Variants in BBS9 observed in about 807,000 individuals in gnomAD.
BBS9 encodes the protein Bardet-Biedl syndrome 9, also known as protein PTHB1.
BBS9 carries 89 observed loss-of-function variants against 117.7 expected under a neutral mutation model. The observed-to-expected ratio is 0.76, with a 90% CI of 0.64 to 0.90. The LOEUF (loss-of-function observed/expected upper bound fraction) is 0.90. BBS9 is among the 40% of genes least tolerant of loss of function. The pLI, the probability that BBS9 is intolerant of heterozygous loss-of-function variation, is 0.00. For missense variants in BBS9, 982 were observed against 1,042.2 expected, an observed-to-expected ratio of 0.94 and a Z score of 0.80; for synonymous variants, 379 against 370.9, an observed-to-expected ratio of 1.02 and a Z score of -0.25.
intron 9 of BBS9, among the ~76,000 whole-genome samples, chr7:33,279,434 G>C (rs1326037282): frequency 6.6e-6 from 1 of 152,104 alleles, no homozygotes; most frequent in Non-Finnish European, 1.5e-5. Flanking sequence ...TTTTTCTCTT[G>C]CTTTTTATTA....
rs755891061 is a variant in BBS9 at position 33,441,890 on chromosome 7, C to CT, written c.2115+53762dup. ...TGTTTTCAACCATCCCTGGCATATA[C>CT]TTTTTTTTTTTTTTTTCCCGAGACA... On this transcript the variant is annotated intron_variant, in intron 19 of 22. Transcript: ENST00000242067. Among the ~76,000 whole-genome samples, 867 of 141,932 alleles carry CT rather than the reference C, an allele frequency of 6.1e-3. 17 individuals are homozygous for CT. Among genetic ancestry groups the CT allele is most frequent in the South Asian group, 0.04 (176 of 4,424 alleles). 93.1% of individuals were successfully genotyped at this position (141,932 alleles called of 152,430 possible). A position where few individuals can be genotyped will look rare whatever the true frequency, so the allele number is the denominator to read the frequency against.
chr7:33,158,900 G>A (rs1025346134), intron 4 of BBS9, among the ~76,000 whole-genome samples: 1 of 117,434 alleles, frequency 8.5e-6, no homozygotes, highest in Non-Finnish European at 2.0e-5. Context: ...GGTAAAAGAC[G>A]ATTTATAGAC....
intron 19 of BBS9, among the ~76,000 whole-genome samples, chr7:33,391,950 C>A (rs146102125): frequency 1.3e-5 from 2 of 152,126 alleles, no homozygotes; most frequent in Non-Finnish European, 2.9e-5. Flanking sequence ...CCTAGGAAAT[C>A]CTTCCTTATG....
At chr7:33,158,944 G>C (rs1794458977) in intron 4 of BBS9, among the ~76,000 whole-genome samples, 1 of 152,142 alleles carries the variant, frequency 6.6e-6, no homozygotes, top group South Asian at 2.1e-4. Flanking sequence ...AAAAAGGAAA[G>C]AGATGTACAG....
At chr7:33,530,312 G>C (rs1850377737) in intron 20 of BBS9, among the ~76,000 whole-genome samples, 1 of 152,132 alleles carries the variant, frequency 6.6e-6, no homozygotes, top group Non-Finnish European at 1.5e-5. Flanking sequence ...CATGGTTTTT[G>C]ACTTGATCTG....
chr7:33,446,834 A>G (rs539328078), intron 19 of BBS9, among the ~76,000 whole-genome samples: 2 of 152,248 alleles, frequency 1.3e-5, no homozygotes, highest in South Asian at 4.1e-4. Flanking sequence ...TTCGATTCTG[A>G]TGTTGAGCAC....
intron 6 of BBS9, among the ~76,000 whole-genome samples, chr7:33,263,011 T>G (rs1057155422): frequency 4.6e-5 from 7 of 152,222 alleles, no homozygotes; most frequent in African/African-American, 1.7e-4. Context: ...GAGTATAGAT[T>G]ATGTAGTAGT....
At chr7:33,172,102 C>G (rs573954622) in intron 4 of BBS9, among the ~76,000 whole-genome samples, 1 of 151,990 alleles carries the variant, frequency 6.6e-6, no homozygotes, top group African/African-American at 2.4e-5. Context: ...GCCTCTAGGC[C>G]GGGTGTGGTG....
intron 19 of BBS9, among the ~76,000 whole-genome samples, chr7:33,471,991 C>A (rs1193242786): frequency 1.3e-5 from 2 of 151,224 alleles, no homozygotes; most frequent in East Asian, 4.1e-4. Context: ...AGGGATTGTT[C>A]TCCTAGTCAT....
chr7:33,177,984 G>T, intron 5 of BBS9: 1 of 192,546 alleles, frequency 5.2e-6, no homozygotes, highest in Non-Finnish European at 1.1e-5. Flanking sequence ...GACTGAAACT[G>T]AGCTCTTTTT....
rs781476538 is a variant in BBS9 at position 33,534,104 on chromosome 7, G to A, written c.2449G>A (p.Asp817Asn). 53 of 1,614,012 alleles carry A rather than the reference G, an allele frequency of 3.3e-5. No individual in the cohort carries two copies. The East Asian group carries it at 4.2e-4, about 13-fold the overall frequency. ...QLKKHITLLC[D>N]RLSKGGRLCL... ...GAAGAAACATATCACCTTGCTCTGC[G>A]ATAGATTATCCAAAGGTGGCCGTCT... Residue 817 changes from aspartate (D) to asparagine (N), a missense_variant, in exon 21 of 23, where the codon GAT (aspartate) becomes AAT (asparagine). Coordinates refer to ENST00000242067, the MANE Select transcript of BBS9 (RefSeq NM_198428.3).
intron 11 of BBS9, among the ~76,000 whole-genome samples, chr7:33,343,782 A>G (rs2128644521): frequency 6.6e-6 from 1 of 152,224 alleles, no homozygotes; most frequent in Non-Finnish European, 1.5e-5. Context: ...TACAGGCATG[A>G]GCCACCGCAC....
intron 20 of BBS9, among the ~76,000 whole-genome samples, chr7:33,524,496 G>A (rs917476389): frequency 8.9e-4 from 136 of 152,296 alleles, no homozygotes; most frequent in African/African-American, 3.3e-3. Context: ...ATGTGTCGAG[G>A]AATTTATCCA....
chr7:33,325,352 T>A (rs932125773), intron 9 of BBS9, among the ~76,000 whole-genome samples: 2 of 152,216 alleles, frequency 1.3e-5, no homozygotes, highest in Non-Finnish European at 2.9e-5. Flanking sequence ...ATGTCTTTGT[T>A]AAATTTATCT....
At chr7:33,316,730 T>A (rs1810583182) in intron 9 of BBS9, among the ~76,000 whole-genome samples, 1 of 151,490 alleles carries the variant, frequency 6.6e-6, no homozygotes, top group South Asian at 2.1e-4. Flanking sequence ...CCCAGTTAAA[T>A]TTTTTTTTGG....
intron 21 of BBS9, among the ~76,000 whole-genome samples, chr7:33,594,462 C>T (rs1175710685): frequency 6.6e-6 from 1 of 151,998 alleles, no homozygotes; most frequent in Non-Finnish European, 1.5e-5. Context: ...AAAGAAAAGT[C>T]ATGGGATGGA....
chr7:33,208,089 G>A (rs1303436934), intron 5 of BBS9, among the ~76,000 whole-genome samples: 2 of 152,140 alleles, frequency 1.3e-5, no homozygotes, highest in Admixed American at 1.3e-4. Context: ...GATTACAGTT[G>A]TGAGCCACCA....
At chr7:33,296,126 G>A (rs1433865603) in intron 9 of BBS9, among the ~76,000 whole-genome samples, 1 of 151,990 alleles carries the variant, frequency 6.6e-6, no homozygotes, top group African/African-American at 2.4e-5. Flanking sequence ...ACTTTAAAAT[G>A]GGTAGAAAAA....
intron 5 of BBS9, among the ~76,000 whole-genome samples, chr7:33,210,941 T>C (rs1381714037): frequency 6.6e-6 from 1 of 152,230 alleles, no homozygotes; most frequent in African/African-American, 2.4e-5. Context: ...TGTCTCTTAT[T>C]ACAGTTTTTG....
Sources: gnomAD v4.1 joint callset for allele counts (sites outside exome capture counted in the v4.1 genomes callset) on GRCh38, gnomAD v4.1.1 for gene constraint, MANE v1.5 for transcripts, NCBI Gene and HGNC (gene_info 2026-07-23, HGNC 2026-07-21) for gene names.